The following WNT2B variants were observed in gnomAD, a reference collection of about 807,000 sequenced individuals.
The protein encoded by WNT2B is protein Wnt-2b.
WNT2B carries 19 observed loss-of-function variants against 40.5 expected under a neutral mutation model. The observed-to-expected ratio is 0.47, with a 90% CI of 0.33 to 0.69. WNT2B has a LOEUF of 0.69. Ranked by LOEUF, WNT2B falls within the 30% of genes least tolerant of loss-of-function variation. The probability of loss-of-function intolerance (pLI) is 0.02; values close to 1 mark genes in which losing one functional copy is unlikely to be tolerated. For missense variants in WNT2B, 467 were observed against 556.4 expected (o/e 0.84, Z 1.62); for synonymous variants, 220 against 211.9 (o/e 1.04, Z -0.33).
At chr1:112,470,261 G>T (rs1296435158) in intron 1 of WNT2B, among the ~76,000 whole-genome samples, 4 of 152,042 alleles carry the variant, frequency 2.6e-5, no homozygotes, top group African/African-American at 9.7e-5. Flanking sequence ...ATTTTCTAGG[G>T]TAAAAGTTTT....
chr1:112,479,846 G>C (rs1020850788), intron 1 of WNT2B, among the ~76,000 whole-genome samples: 2 of 151,758 alleles, frequency 1.3e-5, no homozygotes, highest in African/African-American at 4.8e-5. Flanking sequence ...AAGTAGCTGG[G>C]ACTACAGGCA....
chr1:112,522,636 A>ATGAT lies in WNT2B; in HGVS notation c.*2128_*2131dup, dbSNP rs1652943392. ...GGGCCACGGGGGCAGATTTATTTGG[A>ATGAT]TGATAGGACTAATATTTGTGTAACC... is the stretch of plus-strand genomic sequence containing the variant. On this transcript the variant is annotated 3_prime_UTR_variant, in exon 5 of 5. Transcript: ENST00000369684. 1.3e-5 allele frequency: 2 copies of ATGAT among 152,204 alleles called. No individual in the cohort carries two copies. The highest frequency in any genetic ancestry group is 4.8e-5 in the African/African-American group (2 of 41,412). 9.4% of individuals were successfully genotyped at this position (152,204 alleles called of 1,614,324 possible). A position where few individuals can be genotyped will look rare whatever the true frequency, so the allele number is the denominator to read the frequency against.
Position 112,524,871 on chromosome 1 carries a change from C to T in WNT2B, c.*4362C>T, listed in dbSNP as rs900059061. 9 of 152,078 alleles carry T rather than the reference C, an allele frequency of 5.9e-5. No homozygotes were observed. The highest frequency in any genetic ancestry group is 1.7e-4 in the African/African-American group (7 of 41,394). The allele number at this position is 152,078 out of a possible 1,614,324, so 9.4% of individuals were successfully genotyped here. On this transcript the variant is annotated 3_prime_UTR_variant, in exon 5 of 5. Coordinates refer to ENST00000369684, the MANE Select transcript of WNT2B (RefSeq NM_024494.3). ...ATTAAAAAAAAAAGCAATTAGATTT[C>T]GATCCAGTACTTCAAAAAGGATACC... is the stretch of plus-strand genomic sequence containing the variant.
At position 112,509,327 on chromosome 1, in the gene WNT2B, T is replaced by C. The variant is rs751855283; in HGVS notation, c.65T>C (p.Val22Ala). Reference protein sequence around the residue: ...QLPLRRASAPVPVPSPAAPDG... With the variant: ...QLPLRRASAPAPVPSPAAPDG... ...CCGCTTCGGCGCGCCAGCGCCCCGG[T>C]CCCTGTGCCGTCGCCCGCGGCCCCC... The change falls in exon 1 of 5, where the codon GTC becomes GCC. Residue 22 changes from valine to alanine, a missense_variant. Val to Ala is a moderately conservative substitution (Grantham distance 64, BLOSUM62 0). Transcript: ENST00000369684. This position sits in a 1 kb window ranked among gnomAD's most constrained non-coding sequence, Gnocchi z 4.2. 1.3e-5 allele frequency: 21 copies of C among 1,585,296 alleles called. No individual in the cohort carries two copies. The highest frequency in any genetic ancestry group is 1.7e-5 in the Non-Finnish European group (20 of 1,172,648).
chr1:112,498,724 T>A (rs1651855730), intron 1 of WNT2B, among the ~76,000 whole-genome samples: 1 of 152,164 alleles, frequency 6.6e-6, no homozygotes, highest in Admixed American at 6.5e-5. Context: ...GTCTTCACTG[T>A]CCATATTTTT....
intron 1 of WNT2B, among the ~76,000 whole-genome samples, chr1:112,486,547 T>C (rs1759697): frequency 0.18 from 26,661 of 152,096 alleles, 2,565 homozygotes; most frequent in East Asian, 0.38. Context: ...TTCAAAAACA[T>C]TATTAAAAGA....
chr1:112,488,321 AACACAC>A (rs572294006), intron 1 of WNT2B, among the ~76,000 whole-genome samples: 1 of 149,376 alleles, frequency 6.7e-6, no homozygotes, highest in Non-Finnish European at 1.5e-5. Flanking sequence ...ACAACAACAA[AACACAC>A]ACACACACAC....
intron 1 of WNT2B, among the ~76,000 whole-genome samples, chr1:112,501,422 T>G (rs1049985669): frequency 3.9e-5 from 6 of 152,192 alleles, no homozygotes; most frequent in African/African-American, 1.4e-4. Flanking sequence ...AGTAGGGAGT[T>G]GTATGTCACC....
At chr1:112,504,881 G>A (rs546681813), upstream of WNT2B, among the ~76,000 whole-genome samples, 1 of 152,146 alleles carries the variant, frequency 6.6e-6, no homozygotes, top group South Asian at 2.1e-4. Flanking sequence ...CCAGGGAAGG[G>A]GAGCCTTCTG....
intron 1 of WNT2B, among the ~76,000 whole-genome samples, chr1:112,472,956 A>T (rs916475824): frequency 3.1e-4 from 43 of 139,304 alleles, no homozygotes; most frequent in Non-Finnish European, 5.8e-4. Context: ...AAGCAATACT[A>T]AAAAAAAAAA....
At chr1:112,512,096 C>T (rs1237092391) in intron 1 of WNT2B, among the ~76,000 whole-genome samples, 1 of 151,972 alleles carries the variant, frequency 6.6e-6, no homozygotes, top group Non-Finnish European at 1.5e-5. Flanking sequence ...AAAAGCAGAT[C>T]CCTGGCCCGT....
At chr1:112,486,754 G>T (rs1270421867) in intron 1 of WNT2B, among the ~76,000 whole-genome samples, 1 of 151,924 alleles carries the variant, frequency 6.6e-6, no homozygotes, top group Non-Finnish European at 1.5e-5. Flanking sequence ...AGTCATTAGG[G>T]AAATGCAAAT....
exon 1 of WNT2B, chr1:112,466,857 CAA>C (rs746100721): frequency 6.6e-6 from 1 of 152,150 alleles, no homozygotes; most frequent in Non-Finnish European, 1.5e-5. Context: ...GGGAGGAAAA[CAA>C]AGAGATTTTC....
intron 1 of WNT2B, among the ~76,000 whole-genome samples, chr1:112,512,629 A>G (rs761541393): frequency 9.9e-5 from 15 of 152,240 alleles, no homozygotes; most frequent in Non-Finnish European, 2.1e-4. Context: ...AAACAAAGCT[A>G]GAGTCAGGGC....
Position 112,509,285 on chromosome 1 carries a change from A to C in WNT2B, c.23A>C (p.Glu8Ala), listed in dbSNP as rs1003281577. The C allele has an allele frequency of 4.5e-6, 7 of 1,540,780 alleles. No individual in the cohort carries two copies. Among genetic ancestry groups the C allele is most frequent in the Non-Finnish European group, 6.1e-6 (7 of 1,148,984 alleles). Reference protein sequence around the residue: MLRPGGAEEAAQLPLRRA... With the variant: MLRPGGAAEAAQLPLRRA... ...GCTATGCTGAGACCGGGTGGTGCGG[A>C]GGAAGCTGCGCAGCTCCCGCTTCGG... Residue 8 changes from glutamate to alanine, a missense_variant, in exon 1 of 5, where the codon GAG (glutamate) becomes GCG (alanine). By Grantham distance (107) the Glu-to-Ala change is moderately radical. Around this residue, in one of 2 missense-constraint regions of WNT2B, gnomAD observed 137 missense variants for 117.7 expected, o/e 1.16. Transcript: ENST00000369684. The surrounding 1 kb of genome is among the most constrained non-coding windows in gnomAD (Gnocchi z 4.2).
intron 1 of WNT2B, among the ~76,000 whole-genome samples, chr1:112,470,588 A>G (rs1301095567): frequency 1.3e-5 from 2 of 152,128 alleles, no homozygotes; most frequent in African/African-American, 4.8e-5. Context: ...ACTCGTCTCT[A>G]AATAAATAAA....
At chr1:112,477,920 T>C (rs1651100141) in intron 1 of WNT2B, among the ~76,000 whole-genome samples, 1 of 152,172 alleles carries the variant, frequency 6.6e-6, no homozygotes, top group African/African-American at 2.4e-5. Flanking sequence ...GAAATCAATA[T>C]ATGTATTTGG....
At position 112,509,223 on chromosome 1, in the gene WNT2B, A is replaced by C. The variant is rs745845364; in HGVS notation, c.-40A>C. ...AGTACCCCCAGAAGGTGCCCCGTCCACGCCCCTCCGGGCTGCGCGGCGGGA... is the reference window on the plus strand; with the variant it reads ...AGTACCCCCAGAAGGTGCCCCGTCCCCGCCCCTCCGGGCTGCGCGGCGGGA... On this transcript the variant is annotated 5_prime_UTR_variant, in exon 1 of 5. Transcript: ENST00000369684. This position sits in a 1 kb window ranked among gnomAD's most constrained non-coding sequence, Gnocchi z 4.2. The C allele has an allele frequency of 4.5e-5, 66 of 1,475,668 alleles. No individual in the cohort carries two copies. Among genetic ancestry groups the C allele is most frequent in the Non-Finnish European group, 5.7e-5 (64 of 1,123,016 alleles). The allele number at this position is 1,475,668 out of a possible 1,614,324, so 91.4% of individuals were successfully genotyped here.
intron 1 of WNT2B, among the ~76,000 whole-genome samples, chr1:112,513,840 GA>G (rs1185719347): frequency 6.6e-6 from 1 of 152,228 alleles, no homozygotes; most frequent in Non-Finnish European, 1.5e-5. Flanking sequence ...GAGAGAAAGA[GA>G]ATGACAAGTG....
Sources: gnomAD v4.1 joint callset for allele counts (sites outside exome capture counted in the v4.1 genomes callset) on GRCh38, gnomAD v4.1.1 for gene constraint, gnomAD v4.1.1 regional missense constraint, Gnocchi (gnomAD v3.1) non-coding constraint, MANE v1.5 for transcripts, NCBI Gene and HGNC (gene_info 2026-07-23, HGNC 2026-07-21) for gene names.